DEPDC4: variants seen among roughly 807,000 people sequenced by gnomAD.
The protein encoded by DEPDC4 is DEP domain-containing protein 4.
A neutral mutation model predicts 52.0 loss-of-function variants in DEPDC4; 52 were observed. The observed-to-expected ratio is 1.00, with a 90% confidence interval of 0.80 to 1.26. The LOEUF (loss-of-function observed/expected upper bound fraction) is 1.26. Among genes scored for constraint, DEPDC4 ranks in the 50% most tolerant of loss-of-function variants. The pLI is 0.00. For synonymous variants in DEPDC4, 201 were observed against 196.8 expected (o/e 1.02, Z -0.18); for missense variants, 530 against 546.9 (o/e 0.97, Z 0.31).
At chr12:100,251,098 T>A (rs551652744) in intron 7 of DEPDC4, among the ~76,000 whole-genome samples, 1 of 152,092 alleles carries the variant, frequency 6.6e-6, no homozygotes, top group African/African-American at 2.4e-5. Flanking sequence ...CATTATGACA[T>A]GAGACAAAAA....
intron 2 of DEPDC4, among the ~76,000 whole-genome samples, chr12:100,263,195 C>G (rs1251537963): frequency 6.6e-6 from 1 of 152,190 alleles, no homozygotes; most frequent in Non-Finnish European, 1.5e-5. Context: ...CTCCTGATCT[C>G]AAGTGATCTG....
chr12:100,235,634 G>A (rs559185486), downstream of DEPDC4, among the ~76,000 whole-genome samples: 2 of 151,876 alleles, frequency 1.3e-5, no homozygotes, highest in South Asian at 4.2e-4. Context: ...GAGTGCAGTG[G>A]CATGATCCCG....
intron 7 of DEPDC4, among the ~76,000 whole-genome samples, chr12:100,250,309 G>A (rs1034736987): frequency 3.3e-5 from 5 of 152,084 alleles, no homozygotes; most frequent in African/African-American, 7.2e-5. Context: ...TCCGCCTCCC[G>A]GGTTCAAGTG....
Position 100,263,909 on chromosome 12 carries a change from T to C in DEPDC4, c.158-16A>G. ...CCAGAGCATCCTGAAAAAAATTAAATATGCATTTCTAACAAATCTAGATTA... is the reference window on the plus strand; with the variant it reads ...CCAGAGCATCCTGAAAAAAATTAAACATGCATTTCTAACAAATCTAGATTA... On this transcript the variant is annotated splice_polypyrimidine_tract_variant and intron_variant, in intron 1 of 9. Coordinates refer to ENST00000550587, the MANE Select transcript of DEPDC4 (RefSeq NM_001364818.2). 6.3e-7 allele frequency: 1 copy of C among 1,578,874 alleles called. No individual in the cohort carries two copies. The highest frequency in any genetic ancestry group is 8.6e-7 in the Non-Finnish European group (1 of 1,163,828).
chr12:100,281,519 T>C, the DEPDC4 span, among the ~76,000 whole-genome samples: 2 of 152,050 alleles, frequency 1.3e-5, no homozygotes, highest in Admixed American at 6.6e-5. Context: ...AGCAGTACCC[T>C]GTCTCTACAG....
Position 100,241,840 on chromosome 12 carries a change from T to C in DEPDC4, c.*52A>G. 1 of 1,083,742 alleles carries C rather than the reference T, an allele frequency of 9.2e-7. No homozygotes were observed. The highest frequency in any genetic ancestry group is 5.4e-5 in the Admixed American group (1 of 18,462). 67.1% of individuals were successfully genotyped at this position (1,083,742 alleles called of 1,614,324 possible). ...TTGTATGTCAAGGGTTGGCAAAACGTAAAGCCTGGAAAAAAAAAAAAAAAA... is the reference window on the plus strand; with the variant it reads ...TTGTATGTCAAGGGTTGGCAAAACGCAAAGCCTGGAAAAAAAAAAAAAAAA... On this transcript the variant is annotated 3_prime_UTR_variant, in exon 10 of 10. Transcript: ENST00000550587.
intron 7 of DEPDC4, 79 bp downstream of exon 7, chr12:100,252,097 T>A: frequency 2.7e-6 from 3 of 1,093,760 alleles, no homozygotes; most frequent in Non-Finnish European, 3.4e-6. Flanking sequence ...GTAAATTATT[T>A]ACTAAGTGAA....
At chr12:100,235,732 G>A (rs1401363103), downstream of DEPDC4, among the ~76,000 whole-genome samples, 2 of 152,038 alleles carry the variant, frequency 1.3e-5, no homozygotes, top group African/African-American at 2.4e-5. Flanking sequence ...CCGCCACTGC[G>A]CCTGGCTAAT....
chr12:100,241,658 G>T lies in DEPDC4; in HGVS notation c.*234C>A. ...TTATATTTACAAATTGTAGTTTCTTGTATCAGAAATGTTAATTCAAAGCTT... is the reference window on the plus strand; with the variant it reads ...TTATATTTACAAATTGTAGTTTCTTTTATCAGAAATGTTAATTCAAAGCTT... On this transcript the variant is annotated 3_prime_UTR_variant, in exon 10 of 10. Coordinates refer to ENST00000550587, the MANE Select transcript of DEPDC4 (RefSeq NM_001364818.2). 8.3e-7 allele frequency: 1 copy of T among 1,198,606 alleles called. No individual in the cohort carries two copies. Among genetic ancestry groups the T allele is most frequent in the Non-Finnish European group, 1.1e-6 (1 of 945,108 alleles). 74.2% of individuals were successfully genotyped at this position (1,198,606 alleles called of 1,614,324 possible). A position where few individuals can be genotyped will look rare whatever the true frequency, so the allele number is the denominator to read the frequency against.
At chr12:100,262,195 A>G in intron 3 of DEPDC4, 69 bp downstream of exon 3, 1 of 1,505,340 alleles carries the variant, frequency 6.6e-7, no homozygotes, top group Admixed American at 2.2e-5. Context: ...GAAACTGCTT[A>G]TAAGAACCTG....
intron 5 of DEPDC4, 56 bp downstream of exon 5, chr12:100,253,433 T>G: frequency 1.4e-6 from 1 of 725,786 alleles, no homozygotes; most frequent in Non-Finnish European, 2.0e-6. Flanking sequence ...TTTCAACTTG[T>G]ATATTTTAAA....
intron 9 of DEPDC4, 94 bp from the exon 10 acceptor site, chr12:100,241,939 TTACGG>T (rs2096161006): frequency 1.3e-6 from 1 of 772,990 alleles, no homozygotes; most frequent in Non-Finnish European, 1.6e-6. Context: ...CAAACTGGTC[TTACGG>T]TATGTTACCT....
chr12:100,281,870 T>C, the DEPDC4 span, among the ~76,000 whole-genome samples: 1 of 151,916 alleles, frequency 6.6e-6, no homozygotes, highest in Non-Finnish European at 1.5e-5. Context: ...AATTTATTGC[T>C]TAGTAAAGTG....
rs1490662594 is a variant in DEPDC4 at position 100,248,892 on chromosome 12, A to T, written c.1453+8T>A. 37 of 982,950 alleles carry T rather than the reference A, an allele frequency of 3.8e-5. No individual in the cohort carries two copies. Among genetic ancestry groups the T allele is most frequent in the Non-Finnish European group, 4.2e-5 (35 of 827,372 alleles). The allele number at this position is 982,950 out of a possible 1,614,324, so 60.9% of individuals were successfully genotyped here. A position where few individuals can be genotyped will look rare whatever the true frequency, so the allele number is the denominator to read the frequency against. ...AATGATAAAGGAGGAACAAGCTGGA[A>T]TCCATACCTGATATGGCATCTGCAT... On this transcript the variant is annotated splice_region_variant and intron_variant, in intron 8 of 9. Transcript: ENST00000550587.
chr12:100,251,824 C>T (rs1001448407), intron 7 of DEPDC4, among the ~76,000 whole-genome samples: 1 of 152,054 alleles, frequency 6.6e-6, no homozygotes, highest in Non-Finnish European at 1.5e-5. Flanking sequence ...CCACCTGGGC[C>T]TCCTAAAGTG....
At position 100,241,263 on chromosome 12, in the gene DEPDC4, T is replaced by C. The variant is rs1459866769; in HGVS notation, c.*629A>G. On this transcript the variant is annotated 3_prime_UTR_variant, in exon 10 of 10. Transcript: ENST00000550587. ...ATTAACTGTACTAGATCCCTAATAATAGCAGCACATTTATTAAGTGATTTT... is the reference window on the plus strand; with the variant it reads ...ATTAACTGTACTAGATCCCTAATAACAGCAGCACATTTATTAAGTGATTTT... Among the ~76,000 whole-genome samples the C allele has an allele frequency of 6.6e-6, 1 of 152,182 alleles. No homozygotes were observed. Among genetic ancestry groups the C allele is most frequent in the Admixed American group, 6.5e-5 (1 of 15,268 alleles).
chr12:100,259,731 T>C (rs1438024237), intron 3 of DEPDC4, among the ~76,000 whole-genome samples: 1 of 152,030 alleles, frequency 6.6e-6, no homozygotes, highest in African/African-American at 2.4e-5. Context: ...AACTGAAAAA[T>C]CATAAAGTAA....
intron 8 of DEPDC4, among the ~76,000 whole-genome samples, chr12:100,246,163 G>A (rs1422366730): frequency 2.3e-5 from 3 of 128,782 alleles, no homozygotes; most frequent in Non-Finnish European, 3.3e-5. Flanking sequence ...ATTTTGTTTT[G>A]CCTTATGCCT....
At chr12:100,256,818 T>G (rs2096235370) in intron 3 of DEPDC4, among the ~76,000 whole-genome samples, 1 of 151,884 alleles carries the variant, frequency 6.6e-6, no homozygotes, top group Non-Finnish European at 1.5e-5. Flanking sequence ...ATTTTTCGTG[T>G]TTTTAGTAGA....
Sources: gnomAD v4.1 joint callset for allele counts (sites outside exome capture counted in the v4.1 genomes callset) on GRCh38, gnomAD v4.1.1 for gene constraint, MANE v1.5 for transcripts, NCBI Gene and HGNC (gene_info 2026-07-23, HGNC 2026-07-21) for gene names.